Variants in HPSE2 observed in about 807,000 individuals in gnomAD.
HPSE2 encodes inactive heparanase-2.
HPSE2 carries 38 observed loss-of-function variants against 60.5 expected under a neutral mutation model. The observed-to-expected ratio is 0.63, with a 90% CI of 0.48 to 0.82. HPSE2 has a LOEUF of 0.82. HPSE2 is among the 40% of genes least tolerant of loss of function. The pLI is 0.00. For synonymous variants in HPSE2, 295 were observed against 293.2 expected (o/e 1.01, Z -0.06); for missense variants, 713 against 740.4 (o/e 0.96, Z 0.43).
At chr10:98,862,249 G>C (rs906424961) in intron 3 of HPSE2, among the ~76,000 whole-genome samples, 1 of 152,128 alleles carries the variant, frequency 6.6e-6, no homozygotes, top group African/African-American at 2.4e-5. Context: ...CTTTTCCAGA[G>C]AGAGAAATAG....
chr10:98,673,882 C>T (rs1486845492), intron 6 of HPSE2, among the ~76,000 whole-genome samples: 1 of 152,144 alleles, frequency 6.6e-6, no homozygotes, highest in Non-Finnish European at 1.5e-5. Context: ...AGCATACTTA[C>T]CCCATGGAGG....
At chr10:98,496,288 A>T (rs1052241494) in intron 9 of HPSE2, among the ~76,000 whole-genome samples, 1 of 152,216 alleles carries the variant, frequency 6.6e-6, no homozygotes, top group Non-Finnish European at 1.5e-5. Context: ...GAGTAAAAAA[A>T]CAAAACAAAA....
intron 3 of HPSE2, among the ~76,000 whole-genome samples, chr10:98,806,987 C>G (rs1009330077): frequency 5.3e-5 from 8 of 151,770 alleles, no homozygotes; most frequent in Non-Finnish European, 7.4e-5. Context: ...ACTAAAAATA[C>G]AAAAAATTAG....
chr10:99,181,873 AT>A (rs1440724887), intron 2 of HPSE2, among the ~76,000 whole-genome samples: 1 of 152,146 alleles, frequency 6.6e-6, no homozygotes, highest in Non-Finnish European at 1.5e-5. Context: ...AACTTAAAGT[AT>A]AATTTAAAAA....
rs534002495 is a variant in HPSE2 at position 98,676,247 on chromosome 10, T to A, written c.1004+17653A>T. Among the ~76,000 whole-genome samples the A allele has an allele frequency of 2.6e-5, 4 of 152,304 alleles. No homozygotes were observed. The East Asian group carries it at 7.7e-4, about 29-fold the overall frequency. ...CTAAACCAGTTTCTCAAACTTTCCC[T>A]CCTTAGGCAGGGAGATACCTGTGAA... On this transcript the variant is annotated intron_variant, in intron 6 of 11. Coordinates refer to ENST00000370552, the MANE Select transcript of HPSE2 (RefSeq NM_021828.5).
chr10:99,006,507 G>C (rs1046810534), intron 3 of HPSE2, among the ~76,000 whole-genome samples: 13 of 152,170 alleles, frequency 8.5e-5, no homozygotes, highest in Non-Finnish European at 4.4e-5. Context: ...CCTGGCTTTG[G>C]CAGTCATGGG....
At chr10:98,570,564 G>A (rs1944467216) in intron 9 of HPSE2, among the ~76,000 whole-genome samples, 2 of 150,694 alleles carry the variant, frequency 1.3e-5, no homozygotes, top group Non-Finnish European at 3.0e-5. Context: ...TTTTTGACCT[G>A]GGCATTAGAA....
intron 3 of HPSE2, among the ~76,000 whole-genome samples, chr10:98,830,033 T>C (rs1951647311): frequency 6.6e-6 from 1 of 152,166 alleles, no homozygotes; most frequent in Non-Finnish European, 1.5e-5. Flanking sequence ...TGTTGTTCAC[T>C]AATGGGGATT....
intron 5 of HPSE2, among the ~76,000 whole-genome samples, chr10:98,707,350 C>A (rs557853391): frequency 6.6e-6 from 1 of 152,248 alleles, no homozygotes; most frequent in South Asian, 2.1e-4. Flanking sequence ...TAATGCCCTA[C>A]TTGGCTAAAA....
intron 3 of HPSE2, among the ~76,000 whole-genome samples, chr10:99,031,271 T>G (rs1360945632): frequency 6.6e-6 from 1 of 152,286 alleles, no homozygotes; most frequent in East Asian, 1.9e-4. Context: ...ATACCTACCA[T>G]GTACCCACAA....
chr10:98,762,197 T>A (rs551200965), intron 3 of HPSE2, among the ~76,000 whole-genome samples: 1 of 146,852 alleles, frequency 6.8e-6, no homozygotes, highest in Non-Finnish European at 1.5e-5. Flanking sequence ...GTTCCTTAAA[T>A]AATGTGGAAG....
chr10:98,958,995 C>G (rs1031037476), intron 3 of HPSE2, among the ~76,000 whole-genome samples: 1 of 152,082 alleles, frequency 6.6e-6, no homozygotes, highest in East Asian at 1.9e-4. Context: ...GGAAAAATAT[C>G]TATTTTAAAG....
At chr10:98,886,837 A>G (rs1953180296) in intron 3 of HPSE2, among the ~76,000 whole-genome samples, 1 of 152,148 alleles carries the variant, frequency 6.6e-6, no homozygotes, top group Non-Finnish European at 1.5e-5. Flanking sequence ...AGGGAACTGG[A>G]AGTCAGAATA....
intron 3 of HPSE2, among the ~76,000 whole-genome samples, chr10:98,813,956 C>A (rs1019757045): frequency 1.3e-5 from 2 of 152,084 alleles, no homozygotes; most frequent in African/African-American, 4.8e-5. Flanking sequence ...CCATATATGT[C>A]AAATCATTTC....
At chr10:98,698,897 T>C (rs1948316809) in intron 5 of HPSE2, among the ~76,000 whole-genome samples, 1 of 152,070 alleles carries the variant, frequency 6.6e-6, no homozygotes, top group South Asian at 2.1e-4. Flanking sequence ...CTAGAAGAAA[T>C]GGATAAATTC....
intron 2 of HPSE2, among the ~76,000 whole-genome samples, chr10:99,163,553 T>C (rs1354969085): frequency 6.6e-6 from 1 of 152,220 alleles, no homozygotes; most frequent in Non-Finnish European, 1.5e-5. Context: ...TTTATATTTT[T>C]ATTGCATTTT....
chr10:98,498,159 G>A (rs769144642), intron 9 of HPSE2, among the ~76,000 whole-genome samples: 41 of 152,180 alleles, frequency 2.7e-4, no homozygotes, highest in Non-Finnish European at 4.3e-4. Context: ...GGCTCGCATC[G>A]TGAATTTTAG....
chr10:98,999,672 T>G (rs757416935), intron 3 of HPSE2, among the ~76,000 whole-genome samples: 1 of 152,076 alleles, frequency 6.6e-6, no homozygotes, highest in Admixed American at 6.5e-5. Context: ...GACTAGACTC[T>G]ACCATGATTT....
At chr10:99,283,462 C>T in the HPSE2 span, among the ~76,000 whole-genome samples, 10 of 151,514 alleles carry the variant, frequency 6.6e-5, no homozygotes, top group African/African-American at 2.4e-4. Context: ...GATCATACCA[C>T]TGCACTCCAG....
Sources: allele counts gnomAD v4.1 joint callset (sites outside exome capture counted in the v4.1 genomes callset), GRCh38; gene constraint gnomAD v4.1.1; transcripts MANE v1.5; gene names NCBI Gene and HGNC (gene_info 2026-07-23, HGNC 2026-07-21).